Variants in TBCEL observed in about 807,000 individuals in gnomAD.
The protein encoded by TBCEL is tubulin folding cofactor E like, also known as tubulin-specific chaperone cofactor E-like protein.
In TBCEL, 15 loss-of-function variants were observed where a neutral mutation model predicts 44.2. That is an observed-to-expected ratio of 0.34 (90% CI 0.23 to 0.52). The LOEUF is 0.52. Ranked by LOEUF, TBCEL falls within the 20% of genes least tolerant of loss-of-function variation. The pLI is 0.95. For missense variants in TBCEL, 319 were observed against 506.3 expected, an observed-to-expected ratio of 0.63 and a Z score of 3.55; for synonymous variants, 171 against 185.4, an observed-to-expected ratio of 0.92 and a Z score of 0.63.
intron 8 of TBCEL, among the ~76,000 whole-genome samples, chr11:121,068,533 C>T (rs1945864865): frequency 6.6e-6 from 1 of 152,084 alleles, no homozygotes; most frequent in Non-Finnish European, 1.5e-5. Flanking sequence ...CCCTTGCTCC[C>T]TTAAGGCCCG....
At chr11:121,056,470 A>G (rs1165389069) in intron 6 of TBCEL, among the ~76,000 whole-genome samples, 1 of 151,818 alleles carries the variant, frequency 6.6e-6, no homozygotes, top group East Asian at 1.9e-4. Context: ...TTGTGTGGAC[A>G]TGAGTTTTCA....
intron 8 of TBCEL, among the ~76,000 whole-genome samples, chr11:121,063,343 A>G (rs1945760205): frequency 6.6e-6 from 1 of 152,160 alleles, no homozygotes; most frequent in Non-Finnish European, 1.5e-5. Context: ...TTTTCCCCAT[A>G]GTTATATTTT....
At chr11:121,073,634 A>T (rs918691914) in intron 8 of TBCEL, among the ~76,000 whole-genome samples, 54 of 151,900 alleles carry the variant, frequency 3.6e-4, no homozygotes, top group Non-Finnish European at 7.4e-4. Flanking sequence ...TGCGCAGTAA[A>T]AGAGGTCATC....
chr11:121,060,244 T>C (rs754052017), intron 8 of TBCEL, among the ~76,000 whole-genome samples, 159 bp downstream of exon 8: 1 of 151,996 alleles, frequency 6.6e-6, no homozygotes, highest in South Asian at 2.1e-4. Context: ...AAACCTATTT[T>C]ATCTCATTTT....
chr11:121,062,600 G>T (rs1030347491), intron 8 of TBCEL, among the ~76,000 whole-genome samples: 7 of 152,022 alleles, frequency 4.6e-5, no homozygotes, highest in South Asian at 2.1e-4. Flanking sequence ...ACAGTGAATT[G>T]TTTTCTGTCC....
chr11:121,040,126 C>T (rs768996557), intron 2 of TBCEL, among the ~76,000 whole-genome samples: 4 of 152,102 alleles, frequency 2.6e-5, no homozygotes, highest in Non-Finnish European at 5.9e-5. Context: ...AACTTGAAAC[C>T]TGCAGAAATG....
chr11:121,055,780 TA>T lies in TBCEL; in HGVS notation c.712+473del, dbSNP rs573633990. On this transcript the variant is annotated intron_variant, in intron 6 of 8. Coordinates refer to ENST00000683345, the MANE Select transcript of TBCEL (RefSeq NM_001363644.2). ...AATTTATTTAGCTTATTTCTTTTTT[TA>T]TTGATAAACTTTATTTTTTAGAACA... Among the ~76,000 whole-genome samples the T allele has an allele frequency of 2.2e-4, 33 of 151,936 alleles. No homozygotes were observed. In the South Asian group the frequency reaches 6.8e-3, roughly 32 times the overall value.
chr11:121,031,662 C>CTTTTTTTTTTTTTTT (rs1159376351), intron 1 of TBCEL, among the ~76,000 whole-genome samples: 1 of 101,866 alleles, frequency 9.8e-6, no homozygotes, highest in Non-Finnish European at 2.0e-5. Flanking sequence ...TTTTTTCTTT[C>CTTTTTTTTTTTTTTT]TTTTTTTTTT....
Position 121,045,675 on chromosome 11 carries a change from AT to A in TBCEL, c.-12del. The A allele has an allele frequency of 6.4e-7, 1 of 1,566,882 alleles. No homozygotes were observed. The highest frequency in any genetic ancestry group is 1.2e-5 in the South Asian group (1 of 82,506). On this transcript the variant is annotated splice_region_variant and 5_prime_UTR_variant, in exon 3 of 9. It removes the in-frame stop codon of an upstream open reading frame in the 5' UTR. Transcript: ENST00000683345. ...TGATTATTTCTTGGTTTCTTGTAGCATTTTAAGAAAGAAAGATGGATCAACC... is the reference window on the plus strand; with the variant it reads ...TGATTATTTCTTGGTTTCTTGTAGCATTTAAGAAAGAAAGATGGATCAACC...
chr11:121,076,414 G>A (rs2135004132), intron 8 of TBCEL, among the ~76,000 whole-genome samples: 1 of 151,896 alleles, frequency 6.6e-6, no homozygotes, highest in South Asian at 2.1e-4. Context: ...TTTATTTAAG[G>A]ATTTCATGTA....
At chr11:121,045,560 A>G (rs1945414951) in intron 2 of TBCEL, 114 bp from the exon 3 acceptor site, 7 of 790,410 alleles carry the variant, frequency 8.9e-6, no homozygotes, top group Admixed American at 3.5e-5. Context: ...ACTAAGTATC[A>G]TATGTCTTGC....
chr11:121,065,017 G>A (rs550345888), intron 8 of TBCEL, among the ~76,000 whole-genome samples: 27 of 152,024 alleles, frequency 1.8e-4, no homozygotes, highest in Non-Finnish European at 3.4e-4. Context: ...TAGTGGAGAC[G>A]GGGTTTCACC....
intron 1 of TBCEL, among the ~76,000 whole-genome samples, chr11:121,028,868 A>G (rs1945092827): frequency 6.6e-6 from 1 of 152,228 alleles, no homozygotes; most frequent in Non-Finnish European, 1.5e-5. Context: ...CTTCTTTAGA[A>G]GAATTGGTAT....
At chr11:121,056,362 T>A (rs1398977232) in intron 6 of TBCEL, among the ~76,000 whole-genome samples, 2 of 151,850 alleles carry the variant, frequency 1.3e-5, no homozygotes, top group Admixed American at 6.6e-5. Flanking sequence ...TACTACAGTT[T>A]ATTTTATCTA....
intron 8 of TBCEL, among the ~76,000 whole-genome samples, chr11:121,062,218 G>A (rs1210350154): frequency 2.0e-5 from 3 of 151,930 alleles, no homozygotes; most frequent in African/African-American, 7.3e-5. Flanking sequence ...CATATATGGA[G>A]TCTTTATCTC....
chr11:121,025,281 T>TA lies in TBCEL; in HGVS notation c.-126+991dup, dbSNP rs201063896. On this transcript the variant is annotated intron_variant, in intron 1 of 8. Coordinates refer to ENST00000683345, the MANE Select transcript of TBCEL (RefSeq NM_001363644.2). Reference sequence around the variant, plus strand: ...TCATGTCATGCTGCTGTGGAGCTCTTACGTTTCCAGTAGTCTATCTTGAGC... The same window carrying TA: ...TCATGTCATGCTGCTGTGGAGCTCTTAACGTTTCCAGTAGTCTATCTTGAGC... 5.9e-4 allele frequency among the ~76,000 whole-genome samples: 89 copies of TA among 151,860 alleles called. 6 individuals are homozygous for TA. The East Asian group carries it at 0.016, about 27-fold the overall frequency.
At chr11:121,038,661 G>A (rs960147690) in intron 2 of TBCEL, among the ~76,000 whole-genome samples, 1 of 152,180 alleles carries the variant, frequency 6.6e-6, no homozygotes, top group South Asian at 2.1e-4. Flanking sequence ...ATAGCTGGGA[G>A]ATTTTCCTCC....
At position 121,060,087 on chromosome 11, in the gene TBCEL, T is replaced by TA. The variant is rs765527302; in HGVS notation, c.956+8dup. On this transcript the variant is annotated splice_region_variant and intron_variant, in intron 8 of 8. Coordinates refer to ENST00000683345, the MANE Select transcript of TBCEL (RefSeq NM_001363644.2). The stretch of plus-strand genomic sequence containing the variant: ...TCCACAGGAAGAAGTGCCATTCAGG[T>TA]AAAAAATTCCCCATTGGCCAAACAC... The TA allele has an allele frequency of 3.1e-6, 5 of 1,607,014 alleles. No individual in the cohort carries two copies. Among genetic ancestry groups the TA allele is most frequent in the Non-Finnish European group, 4.3e-6 (5 of 1,174,776 alleles).
chr11:121,060,170 T>G, intron 8 of TBCEL, 85 bp downstream of exon 8: 1 of 899,430 alleles, frequency 1.1e-6, no homozygotes, highest in Non-Finnish European at 1.8e-6. Context: ...TCTAATCATT[T>G]GTTATTGGAC....
Sources: gnomAD v4.1 joint callset for allele counts (sites outside exome capture counted in the v4.1 genomes callset) on GRCh38, gnomAD v4.1.1 for gene constraint, MANE v1.5 for transcripts, NCBI Gene and HGNC (gene_info 2026-07-23, HGNC 2026-07-21) for gene names.